NEK1: variants seen among roughly 807,000 people sequenced by gnomAD.
NEK1 encodes the protein serine/threonine-protein kinase Nek1.
Under a neutral mutation model 182.1 loss-of-function variants are expected in NEK1, and 137 were observed. That is an observed-to-expected ratio of 0.75 (90% CI 0.65 to 0.87). The LOEUF (loss-of-function observed/expected upper bound fraction) is 0.87, where lower values mean the gene tolerates loss of function less well. Among genes scored for constraint, NEK1 ranks in the 40% least tolerant of loss-of-function variants. The pLI is 0.00. For missense variants in NEK1, 1,391 were observed against 1,494.4 expected (o/e 0.93, Z 1.14); for synonymous variants, 513 against 492.2 (o/e 1.04, Z -0.56).
At chr4:169,594,851 G>A (rs1376399214) in intron 5 of NEK1, among the ~76,000 whole-genome samples, 1 of 152,144 alleles carries the variant, frequency 6.6e-6, no homozygotes, top group African/African-American at 2.4e-5. Flanking sequence ...AGGCCCTGGA[G>A]ATTTGTCAGT....
intron 26 of NEK1, among the ~76,000 whole-genome samples, chr4:169,475,977 A>T (rs1264541498): frequency 6.6e-6 from 1 of 152,146 alleles, no homozygotes; most frequent in Non-Finnish European, 1.5e-5. Flanking sequence ...GTAAAACTGG[A>T]GTCCCTAAAG....
chr4:169,532,835 C>T (rs1294002059), intron 19 of NEK1, among the ~76,000 whole-genome samples: 2 of 151,458 alleles, frequency 1.3e-5, no homozygotes, highest in Non-Finnish European at 2.9e-5. Context: ...GCCTGTAGTC[C>T]CAGCTACTTG....
chr4:169,444,340 TA>T (rs947113930), intron 27 of NEK1, among the ~76,000 whole-genome samples: 7 of 151,204 alleles, frequency 4.6e-5, no homozygotes, highest in East Asian at 1.9e-4. Flanking sequence ...GCTGAATGGT[TA>T]AAAAAAAATG....
intron 2 of NEK1, among the ~76,000 whole-genome samples, chr4:169,605,330 TAA>T (rs1483396231): frequency 6.6e-6 from 1 of 152,162 alleles, no homozygotes; most frequent in Non-Finnish European, 1.5e-5. Context: ...ATCCTGTTAG[TAA>T]AGAAAGATGA....
chr4:169,548,572 C>T (rs1046911037), intron 18 of NEK1, among the ~76,000 whole-genome samples: 5 of 152,260 alleles, frequency 3.3e-5, no homozygotes, highest in East Asian at 1.9e-4. Context: ...CCCACAACTG[C>T]CCCTTCCCCC....
chr4:169,513,066 T>C (rs1314954565), intron 19 of NEK1, among the ~76,000 whole-genome samples: 1 of 152,160 alleles, frequency 6.6e-6, no homozygotes, highest in Non-Finnish European at 1.5e-5. Flanking sequence ...AAAATTGTTT[T>C]AGTTACTTTA....
At position 169,410,447 on chromosome 4, in the gene NEK1, C is replaced by T. The variant is rs546574311; in HGVS notation, c.3223-3700G>A. Among the ~76,000 whole-genome samples the T allele has an allele frequency of 3.3e-5, 5 of 152,256 alleles. No homozygotes were observed. The East Asian group carries it at 9.6e-4, about 29-fold the overall frequency. On this transcript the variant is annotated intron_variant, in intron 31 of 35. Transcript: ENST00000507142. ...GTAATTCTAATACACTCTTTGAGCTCCAGTATTTTTCATATAAAATCAGGA... is the reference window on the plus strand; with the variant it reads ...GTAATTCTAATACACTCTTTGAGCTTCAGTATTTTTCATATAAAATCAGGA...
chr4:169,410,519 A>T (rs190877328), intron 31 of NEK1, among the ~76,000 whole-genome samples: 26 of 152,318 alleles, frequency 1.7e-4, no homozygotes, highest in African/African-American at 5.8e-4. Flanking sequence ...TGATGGACAC[A>T]TTCTTTTAGC....
In NEK1 at chr4:169,599,189, A is replaced by G. The variant is rs1282967368; in HGVS notation, c.223T>C (p.Ser75Pro). ...CAGTAATCCATTACTATGTAGAGAG[A>G]GCCATTTTCTACAAAATATAAACAT... is the stretch of plus-strand genomic sequence containing the variant. ...QYRESFEENGSLYIVMDYCEG... is the reference protein window; with the variant it reads ...QYRESFEENGPLYIVMDYCEG... The change falls in exon 5 of 36, where the codon TCT (serine) becomes CCT (proline). Residue 75 changes from serine (S) to proline (P), a missense_variant. Physicochemically the swap from Ser to Pro is moderately conservative, Grantham distance 74 (BLOSUM62 -1). Around this residue, in one of 5 missense-constraint regions of NEK1, gnomAD observed 116 missense variants for 114.5 expected, o/e 1.01. Coordinates refer to ENST00000507142, the MANE Select transcript of NEK1 (RefSeq NM_001199397.3). 3 of 1,606,414 alleles carry G rather than the reference A, an allele frequency of 1.9e-6. No homozygotes were observed. In the Middle Eastern group the frequency reaches 4.9e-4, roughly 265 times the overall value.
intron 19 of NEK1, among the ~76,000 whole-genome samples, chr4:169,513,196 G>GT (rs1475564893): frequency 6.6e-6 from 1 of 152,074 alleles, no homozygotes; most frequent in Non-Finnish European, 1.5e-5. Flanking sequence ...CATTTTTACT[G>GT]TTGTGAGTCT....
At chr4:169,595,617 C>T (rs1581044812) in intron 5 of NEK1, among the ~76,000 whole-genome samples, 2 of 152,162 alleles carry the variant, frequency 1.3e-5, no homozygotes, top group African/African-American at 4.8e-5. Flanking sequence ...GACAAACCTA[C>T]TACTAAGAAA....
At chr4:169,459,924 C>G (rs1390375142) in intron 27 of NEK1, among the ~76,000 whole-genome samples, 1 of 152,116 alleles carries the variant, frequency 6.6e-6, no homozygotes, top group Non-Finnish European at 1.5e-5. Context: ...CTTGGGGCAG[C>G]AAATTCTTGT....
intron 19 of NEK1, among the ~76,000 whole-genome samples, chr4:169,514,496 C>G (rs1188618841): frequency 6.6e-6 from 1 of 152,172 alleles, no homozygotes; most frequent in African/African-American, 2.4e-5. Context: ...GTGAAACCAT[C>G]TAGGCCCAGA....
chr4:169,485,818 C>T (rs1265613609), intron 23 of NEK1, among the ~76,000 whole-genome samples: 1 of 151,704 alleles, frequency 6.6e-6, no homozygotes, highest in Admixed American at 6.6e-5. Context: ...AGTTTGAGAC[C>T]CAGTTAATTT....
chr4:169,597,672 C>T (rs1465417425), intron 5 of NEK1, among the ~76,000 whole-genome samples: 3 of 151,890 alleles, frequency 2.0e-5, no homozygotes, highest in East Asian at 1.9e-4. Flanking sequence ...CGGTGGCTCA[C>T]GCCTGTAATC....
chr4:169,469,131 T>C (rs571225119), intron 26 of NEK1, among the ~76,000 whole-genome samples: 1 of 152,304 alleles, frequency 6.6e-6, no homozygotes, highest in South Asian at 2.1e-4. Context: ...AGTTCTGCTC[T>C]GATCTTAGTT....
intron 18 of NEK1, among the ~76,000 whole-genome samples, chr4:169,538,812 T>C (rs1758913554): frequency 6.6e-6 from 1 of 152,176 alleles, no homozygotes; most frequent in Non-Finnish European, 1.5e-5. Flanking sequence ...TCCTGAAAAT[T>C]ACATGAAATA....
intron 23 of NEK1, 148 bp downstream of exon 23, chr4:169,506,861 CGAGAGAGACAGAGAGACTGAGAAAGAGA>C (rs1753350069): frequency 5.6e-6 from 2 of 354,244 alleles, no homozygotes; most frequent in East Asian, 8.6e-5. Context: ...TTCTTAAATG[CGAGAGAGACAGAGAGACTGAGAAAGAGA>C]GAGGTAATGA....
At chr4:169,464,028 A>C (rs1290851136) in intron 26 of NEK1, among the ~76,000 whole-genome samples, 1 of 152,192 alleles carries the variant, frequency 6.6e-6, no homozygotes, top group Non-Finnish European at 1.5e-5. Flanking sequence ...GTTCATATAC[A>C]TAGAACTATC....
Sources: allele counts gnomAD v4.1 joint callset (sites outside exome capture counted in the v4.1 genomes callset), GRCh38; gene constraint gnomAD v4.1.1; regional missense constraint gnomAD v4.1.1; transcripts MANE v1.5; gene names NCBI Gene and HGNC (gene_info 2026-07-23, HGNC 2026-07-21).